SORCS2: variants seen among roughly 807,000 people sequenced by gnomAD.
SORCS2 encodes the protein sortilin related VPS10 domain containing receptor 2.
A neutral mutation model predicts 141.6 loss-of-function variants in SORCS2; 100 were observed. The observed-to-expected ratio is 0.71, with a 90% CI of 0.60 to 0.83. The LOEUF (loss-of-function observed/expected upper bound fraction) is 0.83. Ranked by LOEUF, SORCS2 falls within the 40% of genes least tolerant of loss-of-function variation. The pLI, the probability that SORCS2 is intolerant of heterozygous loss-of-function variation, is 0.00. For synonymous variants in SORCS2, 789 were observed against 676.9 expected, an observed-to-expected ratio of 1.17 and a Z score of -2.57; for missense variants, 1,646 against 1,560.2, an observed-to-expected ratio of 1.05 and a Z score of -0.93.
intron 1 of SORCS2, among the ~76,000 whole-genome samples, chr4:7,384,584 C>A (rs758657555): frequency 1.3e-5 from 2 of 151,866 alleles, no homozygotes; most frequent in African/African-American, 4.8e-5. Flanking sequence ...GCAAACCACC[C>A]GTGTCCACAC....
At chr4:7,632,096 C>G (rs933219520) in intron 3 of SORCS2, among the ~76,000 whole-genome samples, 1 of 152,194 alleles carries the variant, frequency 6.6e-6, no homozygotes, top group Non-Finnish European at 1.5e-5. Flanking sequence ...TCACACCTAC[C>G]TAGCAGGTAT....
At chr4:7,348,486 T>G (rs903714904) in intron 1 of SORCS2, among the ~76,000 whole-genome samples, 5 of 152,152 alleles carry the variant, frequency 3.3e-5, no homozygotes, top group African/African-American at 2.4e-5. Context: ...AAACTGAGGT[T>G]TGAGGATGCT....
intron 1 of SORCS2, among the ~76,000 whole-genome samples, chr4:7,219,834 G>GC (rs11428200): frequency 0.73 from 111,658 of 152,078 alleles, 41,161 homozygotes; most frequent in African/African-American, 0.8. Context: ...CGCAGGGCAG[G>GC]AGGACCCTGA....
intron 1 of SORCS2, among the ~76,000 whole-genome samples, chr4:7,212,732 G>A (rs532459883): frequency 7.2e-5 from 11 of 152,266 alleles, no homozygotes; most frequent in African/African-American, 1.2e-4. Context: ...GAGCTGAAAC[G>A]CTTCCATTGC....
chr4:7,554,711 G>C (rs932049744), intron 3 of SORCS2, among the ~76,000 whole-genome samples: 1 of 152,218 alleles, frequency 6.6e-6, no homozygotes, highest in Non-Finnish European at 1.5e-5. Flanking sequence ...TGCCAGGATT[G>C]AGATTTGTAG....
At chr4:7,610,652 G>T (rs1191196260) in intron 3 of SORCS2, among the ~76,000 whole-genome samples, 1 of 152,202 alleles carries the variant, frequency 6.6e-6, no homozygotes, top group Non-Finnish European at 1.5e-5. Context: ...CACATTCTGT[G>T]CTCGGTTTTT....
intron 1 of SORCS2, among the ~76,000 whole-genome samples, chr4:7,336,361 C>T (rs1719989180): frequency 6.6e-6 from 1 of 152,190 alleles, no homozygotes; most frequent in Admixed American, 6.5e-5. Flanking sequence ...GACTGCTGTC[C>T]TCCTTCCCAG....
intron 3 of SORCS2, among the ~76,000 whole-genome samples, chr4:7,636,090 T>C (rs991653335): frequency 2.6e-5 from 4 of 152,242 alleles, no homozygotes; most frequent in Admixed American, 2.6e-4. Context: ...CCAGGAAAGC[T>C]GTGCTCATCT....
chr4:7,739,968 C>T (rs1341806875), intron 26 of SORCS2, among the ~76,000 whole-genome samples: 1 of 152,172 alleles, frequency 6.6e-6, no homozygotes, highest in Admixed American at 6.5e-5. Context: ...TGGGCCTCAC[C>T]TCTCAGGCCC....
At chr4:7,543,691 T>C (rs1385595839) in intron 3 of SORCS2, among the ~76,000 whole-genome samples, 1 of 53,388 alleles carries the variant, frequency 1.9e-5, no homozygotes, top group Non-Finnish European at 4.2e-5. Flanking sequence ...CATCCACCCA[T>C]CCACCCATCC....
At chr4:7,417,644 G>A (rs181665371) in intron 2 of SORCS2, among the ~76,000 whole-genome samples, 7 of 152,290 alleles carry the variant, frequency 4.6e-5, no homozygotes, top group African/African-American at 1.7e-4. Flanking sequence ...TGTGGGACCC[G>A]CTCTTCCCGG....
At chr4:7,497,890 C>T (rs1461688870) in intron 2 of SORCS2, among the ~76,000 whole-genome samples, 1 of 152,240 alleles carries the variant, frequency 6.6e-6, no homozygotes, top group Non-Finnish European at 1.5e-5. Flanking sequence ...GGCCAGATAA[C>T]GTGCATAGTG....
At chr4:7,391,710 C>G (rs1262874887) in intron 1 of SORCS2, among the ~76,000 whole-genome samples, 1 of 152,128 alleles carries the variant, frequency 6.6e-6, no homozygotes, top group Non-Finnish European at 1.5e-5. Flanking sequence ...AGGGTCTGTC[C>G]CCGCCAAACC....
chr4:7,223,362 T>C (rs1370704495), intron 1 of SORCS2, among the ~76,000 whole-genome samples: 1 of 152,130 alleles, frequency 6.6e-6, no homozygotes, highest in Non-Finnish European at 1.5e-5. Flanking sequence ...CCTAATGTTA[T>C]ATTGTATGCA....
chr4:7,724,921 G>GGCGGTGATGATGGTGGAGGT, intron 19 of SORCS2, among the ~76,000 whole-genome samples: 1 of 38,862 alleles, frequency 2.6e-5, no homozygotes, highest in Non-Finnish European at 4.6e-5. Flanking sequence ...TGGTGGGAAT[G>GGCGGTGATGATGGTGGAGGT]GATGGTGGTA....
At chr4:7,476,538 G>A (rs939509730) in intron 2 of SORCS2, among the ~76,000 whole-genome samples, 2 of 152,166 alleles carry the variant, frequency 1.3e-5, no homozygotes, top group Non-Finnish European at 2.9e-5. Context: ...GGGAACCATA[G>A]CCTAGACAGG....
At chr4:7,694,544 C>T (rs754044075) in intron 11 of SORCS2, among the ~76,000 whole-genome samples, 2 of 152,212 alleles carry the variant, frequency 1.3e-5, no homozygotes, top group Non-Finnish European at 2.9e-5. Context: ...CAAATTGGCC[C>T]GCGCAGTGTG....
intron 2 of SORCS2, among the ~76,000 whole-genome samples, chr4:7,469,226 T>TG (rs939664069): frequency 1.3e-5 from 2 of 151,804 alleles, no homozygotes; most frequent in East Asian, 3.9e-4. Context: ...TTGATGGCGG[T>TG]GGTGATAGTG....
chr4:7,512,900 T>C (rs986693478), intron 2 of SORCS2, among the ~76,000 whole-genome samples: 1 of 152,204 alleles, frequency 6.6e-6, no homozygotes. Context: ...TGCCCCTCCA[T>C]GGCCTTGGAG....
Sources: gnomAD v4.1 joint callset for allele counts (sites outside exome capture counted in the v4.1 genomes callset) on GRCh38, gnomAD v4.1.1 for gene constraint, MANE v1.5 for transcripts, NCBI Gene and HGNC (gene_info 2026-07-23, HGNC 2026-07-21) for gene names.